RGPD2: variants seen among roughly 807,000 people sequenced by gnomAD.
RGPD2 encodes RANBP2 like and GRIP domain containing 2.
RGPD2 carries 2 observed loss-of-function variants against 36.0 expected under a neutral mutation model. The ratio of observed to expected loss-of-function variants is 0.06; its 90% CI spans 0.02 to 0.17. The LOEUF is 0.17. RGPD2 is among the 10% of genes least tolerant of loss of function. RGPD2 has a pLI of 1.00. For missense variants in RGPD2, 40 were observed against 464.3 expected, an observed-to-expected ratio of 0.09 and a Z score of 8.40; for synonymous variants, 19 against 163.8, an observed-to-expected ratio of 0.12 and a Z score of 6.75.
chr2:87,886,798 C>T, the RGPD2 span, among the ~76,000 whole-genome samples: 1 of 151,696 alleles, frequency 6.6e-6, no homozygotes, highest in Non-Finnish European at 1.5e-5. Flanking sequence ...AATTATAGCA[C>T]AAATTGCATT....
chr2:87,827,049 C>A (rs995378971), upstream of RGPD2, among the ~76,000 whole-genome samples: 2 of 149,876 alleles, frequency 1.3e-5, no homozygotes, highest in Middle Eastern at 3.2e-3. Context: ...GAATGCCAAA[C>A]TCAGAAAGAC....
At chr2:87,813,316 A>G (rs1001528573) in intron 4 of RGPD2, among the ~76,000 whole-genome samples, 1 of 151,924 alleles carries the variant, frequency 6.6e-6, no homozygotes, top group African/African-American at 2.4e-5. Flanking sequence ...TTTCATTTGC[A>G]TTATCTCAAC....
the RGPD2 span, among the ~76,000 whole-genome samples, chr2:87,938,065 T>A: frequency 6.6e-5 from 10 of 151,950 alleles, no homozygotes; most frequent in African/African-American, 2.4e-4. Flanking sequence ...ATTAATTTTT[T>A]AAAATGGCTT....
the RGPD2 span, among the ~76,000 whole-genome samples, chr2:87,896,849 G>A: frequency 5.3e-5 from 7 of 131,134 alleles, no homozygotes; most frequent in South Asian, 2.8e-4. Context: ...AATTTGCACC[G>A]CAGTATGTAA....
At chr2:87,834,662 A>G in the RGPD2 span, among the ~76,000 whole-genome samples, 8 of 152,208 alleles carry the variant, frequency 5.3e-5, no homozygotes, top group African/African-American at 1.9e-4. Context: ...GTAACACATA[A>G]ACATTGCTGA....
chr2:87,903,505 A>G, the RGPD2 span, among the ~76,000 whole-genome samples: 1 of 152,352 alleles, frequency 6.6e-6, no homozygotes, highest in African/African-American at 2.4e-5. Context: ...TCAGAATTAT[A>G]ATACATATGC....
chr2:87,825,489 C>CCG lies in RGPD2; in HGVS notation c.72+168_72+169insCG, dbSNP rs1334860157. On this transcript the variant is annotated intron_variant, in intron 1 of 22. Coordinates refer to ENST00000398146, the MANE Select transcript of RGPD2 (RefSeq NM_001078170.3). ...CCGAGGCCGCCGTCGCCGCCGCCGCCGCCCGGCCGAGGCCGAGGCCGAGGC... is the reference window on the plus strand; with the variant it reads ...CCGAGGCCGCCGTCGCCGCCGCCGCCCGGCCCGGCCGAGGCCGAGGCCGAGGC... 4.2e-5 allele frequency among the ~76,000 whole-genome samples: 3 copies of CCG among 71,058 alleles called. 1 individual carries two copies. Among genetic ancestry groups the CCG allele is most frequent in the Admixed American group, 2.7e-4 (2 of 7,376 alleles). 46.6% of individuals were successfully genotyped at this position (71,058 alleles called of 152,430 possible).
the RGPD2 span, among the ~76,000 whole-genome samples, chr2:87,910,543 A>G: frequency 6.6e-6 from 1 of 152,214 alleles, no homozygotes. Flanking sequence ...ACTTGCATCA[A>G]CTGTTTGTTG....
the RGPD2 span, among the ~76,000 whole-genome samples, chr2:87,842,792 A>G: frequency 4.0e-5 from 6 of 151,826 alleles, no homozygotes; most frequent in East Asian, 7.8e-4. Context: ...GAGGCATCAC[A>G]CTACCTGACT....
At position 87,825,493 on chromosome 2, in the gene RGPD2, CGGCCGAGGCCGA is replaced by C. The variant is rs1187438680; in HGVS notation, c.72+153_72+164del. Reference sequence around the variant, plus strand: ...GGCCGCCGTCGCCGCCGCCGCCGCCCGGCCGAGGCCGAGGCCGAGGCCGCCGCCCGGCCGAGG... The same window carrying C: ...GGCCGCCGTCGCCGCCGCCGCCGCCCGGCCGAGGCCGCCGCCCGGCCGAGG... On this transcript the variant is annotated intron_variant, in intron 1 of 22. Coordinates refer to ENST00000398146, the MANE Select transcript of RGPD2 (RefSeq NM_001078170.3). 4.6e-3 allele frequency among the ~76,000 whole-genome samples: 317 copies of C among 68,798 alleles called. 10 individuals carry two copies. The highest frequency in any genetic ancestry group is 0.014 in the African/African-American group (259 of 18,870). The allele number at this position is 68,798 out of a possible 152,430, so 45.1% of individuals were successfully genotyped here.
At chr2:87,761,937 G>GTAGT (rs1684895797) in intron 22 of RGPD2, among the ~76,000 whole-genome samples, 1 of 151,206 alleles carries the variant, frequency 6.6e-6, no homozygotes, top group African/African-American at 2.4e-5. Context: ...GTTATTCCTT[G>GTAGT]TAGTTAACAT....
chr2:87,864,615 T>TAGAC, the RGPD2 span, among the ~76,000 whole-genome samples: 11 of 43,460 alleles, frequency 2.5e-4, no homozygotes, highest in East Asian at 8.7e-3. Flanking sequence ...GATAGATAGA[T>TAGAC]AGATAGATAC....
At chr2:87,836,320 A>AGGAT in the RGPD2 span, among the ~76,000 whole-genome samples, 4 of 144,918 alleles carry the variant, frequency 2.8e-5, no homozygotes, top group African/African-American at 1.0e-4. Flanking sequence ...AGAGAGAGGG[A>AGGAT]GGACGGAAGG....
chr2:87,879,012 G>A, the RGPD2 span, among the ~76,000 whole-genome samples: 1 of 152,062 alleles, frequency 6.6e-6, no homozygotes, highest in African/African-American at 2.4e-5. Flanking sequence ...TCATATCTTG[G>A]TTATTGAGAA....
the RGPD2 span, among the ~76,000 whole-genome samples, chr2:87,986,249 C>A: frequency 6.6e-6 from 1 of 150,900 alleles, no homozygotes; most frequent in African/African-American, 2.4e-5. Flanking sequence ...GATTCTCCTG[C>A]CTCAGCCACC....
the RGPD2 span, among the ~76,000 whole-genome samples, chr2:87,937,091 C>T: frequency 6.6e-6 from 1 of 151,704 alleles, no homozygotes; most frequent in Non-Finnish European, 1.5e-5. Context: ...AATTAAAACA[C>T]AATGTAATGA....
At chr2:87,848,616 A>G in the RGPD2 span, among the ~76,000 whole-genome samples, 1 of 142,716 alleles carries the variant, frequency 7.0e-6, no homozygotes, top group African/African-American at 2.6e-5. Context: ...ATGTAAAAAT[A>G]ATATTGCAGT....
the RGPD2 span, among the ~76,000 whole-genome samples, chr2:87,932,874 C>A: frequency 6.8e-6 from 1 of 147,672 alleles, no homozygotes; most frequent in Non-Finnish European, 1.5e-5. Context: ...TGTCTGGCTG[C>A]CTTTAACATT....
At chr2:87,857,403 T>C in the RGPD2 span, among the ~76,000 whole-genome samples, 31 of 151,692 alleles carry the variant, frequency 2.0e-4, no homozygotes, top group Non-Finnish European at 3.5e-4. Context: ...GGTGCAGTGG[T>C]GCAATCTCAG....
Sources: allele counts gnomAD v4.1 joint callset (sites outside exome capture counted in the v4.1 genomes callset), GRCh38; gene constraint gnomAD v4.1.1; transcripts MANE v1.5; gene names NCBI Gene and HGNC (gene_info 2026-07-23, HGNC 2026-07-21).